The following PPP1R12A variants were observed in gnomAD, a reference collection of about 807,000 sequenced individuals.
PPP1R12A encodes the protein myosin binding subunit.
A neutral mutation model predicts 139.6 loss-of-function variants in PPP1R12A; 19 were observed. The observed-to-expected ratio is 0.14, with a 90% CI of 0.09 to 0.20. The LOEUF (loss-of-function observed/expected upper bound fraction) is 0.20. Among genes scored for constraint, PPP1R12A ranks in the 10% least tolerant of loss-of-function variants. PPP1R12A has a pLI of 1.00. For synonymous variants in PPP1R12A, 427 were observed against 420.6 expected (o/e 1.02, Z -0.19); for missense variants, 925 against 1,211.5 (o/e 0.76, Z 3.51).
chr12:79,927,502 A>G (rs1218623652), intron 1 of PPP1R12A, among the ~76,000 whole-genome samples: 2 of 152,202 alleles, frequency 1.3e-5, no homozygotes, highest in South Asian at 2.1e-4. Flanking sequence ...GAAAAAAATT[A>G]TATGTGTGTT....
In PPP1R12A at chr12:79,796,916, C is replaced by T. The variant is rs1872566511; in HGVS notation, c.2327G>A (p.Ser776Asn). The T allele has an allele frequency of 6.2e-7, 1 of 1,612,458 alleles. No homozygotes were observed. The highest frequency in any genetic ancestry group is 1.3e-5 in the African/African-American group (1 of 74,794). Residue 776 changes from serine (S) to asparagine (N), a missense_variant, in exon 17 of 25, where the codon AGT becomes AAT. By Grantham distance (46) the Ser-to-Asn change is conservative. Transcript: ENST00000450142. ...YQRYRPVSTS[S>N]STTPSSSLST... is the part of the protein sequence containing the mutation. The stretch of plus-strand genomic sequence containing the variant: ...AAGTGAAGAGGATGGAGTGGTTGAA[C>T]TTGAAGTTGATACTGGCCTATAACG...
At chr12:79,927,165 G>A (rs1270097538) in intron 1 of PPP1R12A, among the ~76,000 whole-genome samples, 2 of 152,078 alleles carry the variant, frequency 1.3e-5, no homozygotes, top group African/African-American at 4.8e-5. Context: ...TCCAGCCATG[G>A]TGACAGAGTC....
At chr12:79,910,690 A>G (rs180939674) in intron 1 of PPP1R12A, among the ~76,000 whole-genome samples, 2 of 152,360 alleles carry the variant, frequency 1.3e-5, no homozygotes, top group East Asian at 3.9e-4. Flanking sequence ...ACACACATAA[A>G]CACATCTAAT....
At chr12:79,929,423 A>G (rs927256658) in intron 1 of PPP1R12A, among the ~76,000 whole-genome samples, 1 of 152,202 alleles carries the variant, frequency 6.6e-6, no homozygotes, top group South Asian at 2.1e-4. Context: ...TCTACCACTT[A>G]ACCAATATCT....
intron 1 of PPP1R12A, among the ~76,000 whole-genome samples, chr12:79,909,414 C>A (rs1886377584): frequency 6.6e-6 from 1 of 152,112 alleles, no homozygotes; most frequent in Admixed American, 6.5e-5. Context: ...ACAACTGTTA[C>A]TAGAATCTGT....
chr12:79,799,910 G>A (rs1410909227), intron 14 of PPP1R12A, among the ~76,000 whole-genome samples: 1 of 152,100 alleles, frequency 6.6e-6, no homozygotes, highest in Non-Finnish European at 1.5e-5. Context: ...TCGGGAGGCT[G>A]AGATGAGAGG....
intron 15 of PPP1R12A, among the ~76,000 whole-genome samples, chr12:79,798,033 C>T (rs2018405): frequency 0.79 from 120,020 of 151,992 alleles, 49,655 homozygotes; most frequent in Non-Finnish European, 0.92. Flanking sequence ...ATGACATTTT[C>T]TTCATACTTG....
intron 2 of PPP1R12A, among the ~76,000 whole-genome samples, chr12:79,848,236 A>G (rs746816022): frequency 4.6e-5 from 7 of 152,212 alleles, no homozygotes; most frequent in Admixed American, 1.3e-4. Context: ...ACTAAAAAGA[A>G]TATTTCCTCA....
intron 1 of PPP1R12A, among the ~76,000 whole-genome samples, chr12:79,883,202 G>A (rs1333514004): frequency 2.0e-5 from 3 of 152,026 alleles, no homozygotes; most frequent in Non-Finnish European, 4.4e-5. Context: ...ACTGGCTGAA[G>A]GCTCATATAA....
chr12:79,899,059 CCA>C (rs547361520), intron 1 of PPP1R12A, among the ~76,000 whole-genome samples: 166 of 152,118 alleles, frequency 1.1e-3, no homozygotes, highest in Non-Finnish European at 2.0e-3. Flanking sequence ...ACTTATCTAT[CCA>C]CAGTCATTTA....
chr12:79,821,958 T>C (rs1259898690), intron 6 of PPP1R12A, among the ~76,000 whole-genome samples, 158 bp downstream of exon 6: 1 of 152,120 alleles, frequency 6.6e-6, no homozygotes, highest in African/African-American at 2.4e-5. Flanking sequence ...AAAGGCTAAA[T>C]ATCACCATCC....
intron 1 of PPP1R12A, among the ~76,000 whole-genome samples, chr12:79,904,917 A>G (rs1457484293): frequency 6.6e-6 from 1 of 152,216 alleles, no homozygotes; most frequent in African/African-American, 2.4e-5. Flanking sequence ...GTTCACTCGG[A>G]AAAGAATACC....
At chr12:79,820,711 C>A in intron 8 of PPP1R12A, 63 bp downstream of exon 8, 1 of 1,558,898 alleles carries the variant, frequency 6.4e-7, no homozygotes, top group Non-Finnish European at 8.7e-7. Context: ...AATTACGTCT[C>A]ATCTTGTCTT....
chr12:79,863,550 A>G (rs990115536), intron 2 of PPP1R12A, among the ~76,000 whole-genome samples: 1 of 151,032 alleles, frequency 6.6e-6, no homozygotes, highest in African/African-American at 2.4e-5. Flanking sequence ...AAGACCAATC[A>G]GTGTGCTGTA....
chr12:79,906,134 CAAAT>C (rs1367550865), intron 1 of PPP1R12A, among the ~76,000 whole-genome samples: 13 of 151,852 alleles, frequency 8.6e-5, no homozygotes, highest in African/African-American at 2.4e-4. Context: ...AATGAATAAG[CAAAT>C]GAATGAATGA....
Position 79,854,620 on chromosome 12 carries a change from T to C in PPP1R12A, c.369-9200A>G, listed in dbSNP as rs534495320. Among the ~76,000 whole-genome samples the C allele has an allele frequency of 2.2e-4, 34 of 152,332 alleles. No individual in the cohort carries two copies. The East Asian group carries it at 3.5e-3, about 16-fold the overall frequency. On this transcript the variant is annotated intron_variant, in intron 2 of 24. Coordinates refer to ENST00000450142, the MANE Select transcript of PPP1R12A (RefSeq NM_002480.3). ...AACCCTAACTCTGACACATATTTTG[T>C]GTGATTTCTCTCTATGACTCAGTCT...
At chr12:79,935,345 G>C, upstream of PPP1R12A, 2 of 1,015,256 alleles carry the variant, frequency 2.0e-6, no homozygotes, top group Non-Finnish European at 2.4e-6. Flanking sequence ...GCGGGGGCTG[G>C]GACAGACCTG....
intron 1 of PPP1R12A, among the ~76,000 whole-genome samples, chr12:79,906,204 C>T (rs1288887088): frequency 6.6e-6 from 1 of 151,756 alleles, no homozygotes; most frequent in Non-Finnish European, 1.5e-5. Context: ...AATAAAATTA[C>T]AAACATCCAA....
rs116163267 is a variant in PPP1R12A, at chr12:79,799,844, A to T, written c.2001-1260T>A. On this transcript the variant is annotated intron_variant, in intron 14 of 24. Coordinates refer to ENST00000450142, the MANE Select transcript of PPP1R12A (RefSeq NM_002480.3). ...GGGAAACATGAGGAAACCTGTCGCT[A>T]CAAAAAAATAGAAAAATTAGCCAGG... 5.8e-3 allele frequency among the ~76,000 whole-genome samples: 889 copies of T among 152,056 alleles called. 11 individuals are homozygous for T. The highest frequency in any genetic ancestry group is 0.021 in the African/African-American group (854 of 41,462).
Sources: allele counts gnomAD v4.1 joint callset (sites outside exome capture counted in the v4.1 genomes callset), GRCh38; gene constraint gnomAD v4.1.1; transcripts MANE v1.5; gene names NCBI Gene and HGNC (gene_info 2026-07-23, HGNC 2026-07-21).